TSHR: variants seen among roughly 807,000 people sequenced by gnomAD.
The protein encoded by TSHR is thyroid stimulating hormone receptor.
Under a neutral mutation model 64.1 loss-of-function variants are expected in TSHR, and 51 were observed. The observed-to-expected ratio is 0.80, with a 90% CI of 0.64 to 1.01. The LOEUF is 1.01. Ranked by LOEUF, TSHR falls within the 50% of genes least tolerant of loss-of-function variation. TSHR has a pLI of 0.00. For missense variants in TSHR, 877 were observed against 942.8 expected (o/e 0.93, Z 0.91); for synonymous variants, 361 against 361.9 (o/e 1.00, Z 0.03).
intron 1 of TSHR, among the ~76,000 whole-genome samples, chr14:81,008,968 G>T (rs1889763910): frequency 6.6e-6 from 1 of 152,000 alleles, no homozygotes; most frequent in South Asian, 2.1e-4. Flanking sequence ...TTGCTTACTG[G>T]CTAATTAAAA....
At chr14:81,099,941 C>A (rs867100407) in intron 7 of TSHR, among the ~76,000 whole-genome samples, 33 of 151,188 alleles carry the variant, frequency 2.2e-4, no homozygotes, top group Admixed American at 4.0e-4. Flanking sequence ...AGCTTATTAT[C>A]TTATGACCAG....
intron 8 of TSHR, among the ~76,000 whole-genome samples, chr14:81,136,364 T>C (rs1313026099): frequency 6.6e-6 from 1 of 152,188 alleles, no homozygotes; most frequent in Non-Finnish European, 1.5e-5. Context: ...TTCAGAATCA[T>C]AGGTGTTTTG....
intron 8 of TSHR, among the ~76,000 whole-genome samples, chr14:81,123,003 T>A (rs1376200698): frequency 6.6e-6 from 1 of 152,058 alleles, no homozygotes; most frequent in Non-Finnish European, 1.5e-5. Flanking sequence ...GGCAGGCGCC[T>A]GTAATCCCAG....
At chr14:81,096,523 C>T in intron 6 of TSHR, 116 bp from the exon 7 acceptor site, 1 of 981,086 alleles carries the variant, frequency 1.0e-6, no homozygotes, top group Non-Finnish European at 1.6e-6. Context: ...ATATGTGGGA[C>T]CTGAAAAACC....
intron 1 of TSHR, among the ~76,000 whole-genome samples, chr14:80,980,197 C>A (rs1198535166): frequency 6.6e-6 from 1 of 152,100 alleles, no homozygotes; most frequent in Non-Finnish European, 1.5e-5. Context: ...ATTGCTTGCA[C>A]AAGCTATTCA....
intron 8 of TSHR, among the ~76,000 whole-genome samples, chr14:81,126,897 T>C (rs1240982947): frequency 6.6e-6 from 1 of 152,222 alleles, no homozygotes; most frequent in African/African-American, 2.4e-5. Context: ...TTCTGACTTC[T>C]CCACACACTC....
chr14:81,054,617 G>C (rs187898486), intron 1 of TSHR, among the ~76,000 whole-genome samples: 4 of 152,316 alleles, frequency 2.6e-5, no homozygotes, highest in Middle Eastern at 3.4e-3. Flanking sequence ...TGAGGAACTT[G>C]TTGGGAACTG....
intron 1 of TSHR, among the ~76,000 whole-genome samples, chr14:81,019,004 G>T (rs1404454059): frequency 6.6e-6 from 1 of 152,148 alleles, no homozygotes; most frequent in Non-Finnish European, 1.5e-5. Flanking sequence ...GAAACTTGAT[G>T]TGGATTGAAA....
chr14:80,990,818 C>T (rs1480715227), intron 1 of TSHR, among the ~76,000 whole-genome samples: 1 of 152,144 alleles, frequency 6.6e-6, no homozygotes, highest in African/African-American at 2.4e-5. Context: ...CCACTCCTGG[C>T]TAATTTTTAT....
chr14:81,087,037 T>A (rs1949576651), intron 3 of TSHR, among the ~76,000 whole-genome samples: 1 of 152,240 alleles, frequency 6.6e-6, no homozygotes, highest in African/African-American at 2.4e-5. Flanking sequence ...CATTGAACTG[T>A]ATGCCTACAT....
chr14:81,021,981 G>A (rs146868091), intron 1 of TSHR, among the ~76,000 whole-genome samples: 30 of 152,136 alleles, frequency 2.0e-4, no homozygotes, highest in East Asian at 1.2e-3. Context: ...TACAGTAATC[G>A]GCCGCGTGCG....
At position 81,143,001 on chromosome 14, in the gene TSHR, G is replaced by A; in HGVS notation, c.943G>A (p.Val315Met). ...SMQSLRQRKS[V>M]NALNSPLHQE... ...GCAGAGCTTGCGCCAGAGAAAATCT[G>A]TGAATGCCTTGAATAGCCCCCTCCA... Residue 315 changes from valine (V) to methionine (M), a missense_variant, in exon 10 of 10, where the codon GTG becomes ATG. By Grantham distance (21) the Val-to-Met change is conservative. Transcript: ENST00000298171. 1 of 1,614,188 alleles carries A rather than the reference G, an allele frequency of 6.2e-7. No homozygotes were observed. The highest frequency in any genetic ancestry group is 1.1e-5 in the South Asian group (1 of 91,084).
intron 1 of TSHR, among the ~76,000 whole-genome samples, chr14:81,027,291 G>C (rs1276210348): frequency 6.6e-6 from 1 of 151,892 alleles, no homozygotes; most frequent in African/African-American, 2.4e-5. Context: ...GAAAAAAATG[G>C]AGAACAAAAA....
Position 81,136,232 on chromosome 14 carries a change from AG to A in TSHR, c.693-3445del, listed in dbSNP as rs575274748. ...TTATGATTACTCTGGCTACTATGTG[AG>A]GAATGGATTGAAAAAGAATAAAAGT... On this transcript the variant is annotated intron_variant, in intron 8 of 9. Transcript: ENST00000298171. Among the ~76,000 whole-genome samples, 190 of 152,338 alleles carry A rather than the reference AG, an allele frequency of 1.2e-3. 1 individual carries two copies. The highest frequency in any genetic ancestry group is 2.1e-3 in the Non-Finnish European group (141 of 68,024).
In TSHR at chr14:81,143,028, C is replaced by T. The variant is rs121908867; in HGVS notation, c.970C>T (p.Gln324Ter). The change falls in exon 10 of 10, where the codon CAG (glutamine) becomes TAG (stop). Residue 324 changes from glutamine to a stop codon, truncating the protein, a stop_gained. Coordinates refer to ENST00000298171, the MANE Select transcript of TSHR (RefSeq NM_000369.5). LOFTEE classifies it high-confidence loss of function. ...SVNALNSPLH[Q>*]EYEENLGDSI... The stretch of plus-strand genomic sequence containing the variant: ...GAATGCCTTGAATAGCCCCCTCCAC[C>T]AGGAATATGAAGAGAATCTGGGTGA... 1 of 1,614,152 alleles carries T rather than the reference C, an allele frequency of 6.2e-7. No homozygotes were observed. The highest frequency in any genetic ancestry group is 8.5e-7 in the Non-Finnish European group (1 of 1,180,028).
rs1595085277 is a variant in TSHR at position 81,088,129 on chromosome 14, T to C, written c.392+101T>C. The C allele has an allele frequency of 4.2e-6, 4 of 961,566 alleles. No individual in the cohort carries two copies. The East Asian group carries it at 1.0e-4, about 24-fold the overall frequency. 59.6% of individuals were successfully genotyped at this position (961,566 alleles called of 1,614,324 possible). A position where few individuals can be genotyped will look rare whatever the true frequency, so the allele number is the denominator to read the frequency against. ...TCTCCCTAGATGATGTGGTCCAGGT[T>C]CATTTTAATGGTGTATAGCCTGGGT... On this transcript the variant is annotated intron_variant, in intron 4 of 9. Transcript: ENST00000298171.
intron 8 of TSHR, among the ~76,000 whole-genome samples, chr14:81,124,805 CT>C (rs1890950379): frequency 6.6e-6 from 1 of 152,048 alleles, no homozygotes; most frequent in South Asian, 2.1e-4. Context: ...TTTTTATGCA[CT>C]TGTCAGCTAT....
rs1031596055 is a variant in TSHR at position 80,956,816 on chromosome 14, T to C, written c.170+966T>C. Among the ~76,000 whole-genome samples the C allele has an allele frequency of 2.0e-5, 3 of 152,226 alleles. No homozygotes were observed. The South Asian group carries it at 6.2e-4, about 31-fold the overall frequency. Reference sequence around the variant, plus strand: ...AGATGAATATTTGAGCACAGAGATATATTTCTGTGCTCAGAGATATCCTAG... The same window carrying C: ...AGATGAATATTTGAGCACAGAGATACATTTCTGTGCTCAGAGATATCCTAG... On this transcript the variant is annotated intron_variant, in intron 1 of 9. Coordinates refer to ENST00000298171, the MANE Select transcript of TSHR (RefSeq NM_000369.5).
intron 1 of TSHR, among the ~76,000 whole-genome samples, chr14:81,045,509 C>T (rs137971827): frequency 3.0e-3 from 464 of 152,186 alleles, no homozygotes; most frequent in African/African-American, 0.01. Flanking sequence ...GGTATTAAGC[C>T]CAGCATCAAT....
Sources: allele counts gnomAD v4.1 joint callset (sites outside exome capture counted in the v4.1 genomes callset), GRCh38; gene constraint gnomAD v4.1.1; transcripts MANE v1.5; gene names NCBI Gene and HGNC (gene_info 2026-07-23, HGNC 2026-07-21).